Variants in FGD6 observed in about 807,000 individuals in gnomAD.
FGD6 encodes FYVE, RhoGEF and PH domain containing 6, also known as FYVE, RhoGEF and PH domain-containing protein 6.
In FGD6, 90 loss-of-function variants were observed where a neutral mutation model predicts 149.4. The observed-to-expected ratio is 0.60, with a 90% CI of 0.51 to 0.72. FGD6 has a LOEUF of 0.72. Among genes scored for constraint, FGD6 ranks in the 30% least tolerant of loss-of-function variants. FGD6 has a pLI of 0.00. For synonymous variants in FGD6, 527 were observed against 584.0 expected (o/e 0.90, Z 1.41); for missense variants, 1,437 against 1,684.8 (o/e 0.85, Z 2.57).
chr12:95,088,746 T>C (rs1315624487), intron 18 of FGD6, among the ~76,000 whole-genome samples: 1 of 152,178 alleles, frequency 6.6e-6, no homozygotes, highest in Non-Finnish European at 1.5e-5. Flanking sequence ...TATTCAGACA[T>C]AACAAGAAAC....
intron 2 of FGD6, among the ~76,000 whole-genome samples, chr12:95,179,627 A>G (rs906054623): frequency 3.9e-5 from 6 of 152,220 alleles, no homozygotes; most frequent in Admixed American, 6.5e-5. Flanking sequence ...TCTTTAAAAT[A>G]GAAGAGTACC....
At chr12:95,119,362 C>T (rs1879118633) in intron 8 of FGD6, among the ~76,000 whole-genome samples, 2 of 152,030 alleles carry the variant, frequency 1.3e-5, no homozygotes, top group Non-Finnish European at 2.9e-5. Flanking sequence ...AAACTATGAA[C>T]ATCTCTGAGA....
intron 8 of FGD6, among the ~76,000 whole-genome samples, chr12:95,129,967 C>A (rs1467453457): frequency 2.0e-5 from 3 of 152,100 alleles, no homozygotes; most frequent in East Asian, 3.9e-4. Flanking sequence ...AGCCATCATG[C>A]CCAGCCAAAA....
chr12:95,188,657 C>G (rs1881510522), intron 2 of FGD6, among the ~76,000 whole-genome samples: 1 of 152,178 alleles, frequency 6.6e-6, no homozygotes, highest in Non-Finnish European at 1.5e-5. Flanking sequence ...TTTTACTTTT[C>G]ACTTCATGTA....
chr12:95,110,335 T>C (rs981063629), intron 9 of FGD6, among the ~76,000 whole-genome samples: 1 of 148,546 alleles, frequency 6.7e-6, no homozygotes, highest in African/African-American at 2.5e-5. Flanking sequence ...TTTTTCCTTA[T>C]ATAGAGACCC....
chr12:95,146,398 G>C (rs1880016797), intron 5 of FGD6, among the ~76,000 whole-genome samples: 1 of 152,182 alleles, frequency 6.6e-6, no homozygotes, highest in Non-Finnish European at 1.5e-5. Context: ...TGAGGCAGAA[G>C]AATCTAAATT....
intron 2 of FGD6, among the ~76,000 whole-genome samples, chr12:95,201,668 T>C (rs2056663261): frequency 6.6e-6 from 1 of 152,160 alleles, no homozygotes; most frequent in Non-Finnish European, 1.5e-5. Flanking sequence ...TCCCCACTTC[T>C]GCCCTTCCCA....
At chr12:95,135,948 T>C (rs1383062495) in intron 7 of FGD6, among the ~76,000 whole-genome samples, 2 of 152,208 alleles carry the variant, frequency 1.3e-5, no homozygotes, top group Non-Finnish European at 1.5e-5. Flanking sequence ...ACTTTGTTTT[T>C]TGATAGCACA....
intron 14 of FGD6, among the ~76,000 whole-genome samples, 169 bp downstream of exon 14, chr12:95,104,838 T>A (rs1878556446): frequency 6.6e-6 from 1 of 151,566 alleles, no homozygotes; most frequent in African/African-American, 2.4e-5. Flanking sequence ...GCTTGGGCCA[T>A]GGAGGTGGAG....
intron 18 of FGD6, among the ~76,000 whole-genome samples, chr12:95,086,840 C>T (rs754830993): frequency 4.4e-5 from 6 of 135,442 alleles, no homozygotes; most frequent in African/African-American, 1.1e-4. Flanking sequence ...GCCACCACAC[C>T]GGCCTTTTTT....
intron 5 of FGD6, among the ~76,000 whole-genome samples, chr12:95,148,650 T>A (rs1473752563): frequency 8.9e-6 from 1 of 112,946 alleles, no homozygotes; most frequent in East Asian, 2.4e-4. Flanking sequence ...ATTATATATA[T>A]TATATATTAT....
intron 5 of FGD6, among the ~76,000 whole-genome samples, chr12:95,152,234 G>A (rs947378037): frequency 2.0e-5 from 3 of 152,062 alleles, no homozygotes; most frequent in Non-Finnish European, 4.4e-5. Context: ...CCTGAGGTAG[G>A]AGAATTGCCT....
chr12:95,110,569 T>C (rs923304927), intron 9 of FGD6, among the ~76,000 whole-genome samples: 1 of 151,530 alleles, frequency 6.6e-6, no homozygotes, highest in Non-Finnish European at 1.5e-5. Context: ...TTGGCAGGGC[T>C]GGTCTCAAAC....
At chr12:95,176,110 T>C (rs1224468415) in intron 2 of FGD6, among the ~76,000 whole-genome samples, 1 of 152,174 alleles carries the variant, frequency 6.6e-6, no homozygotes, top group South Asian at 2.1e-4. Flanking sequence ...TTTTTATTTT[T>C]TTGAAAAAAT....
chr12:95,193,440 C>T (rs1881647221), intron 2 of FGD6, among the ~76,000 whole-genome samples: 1 of 151,706 alleles, frequency 6.6e-6, no homozygotes, highest in Non-Finnish European at 1.5e-5. Context: ...TCACTGCAAC[C>T]TCTGCCTCCT....
Position 95,076,930 on chromosome 12 carries a change from A to G in FGD6, c.*4590T>C, listed in dbSNP as rs1199415087. 1 of 152,106 alleles carries G rather than the reference A, an allele frequency of 6.6e-6. No homozygotes were observed. Among genetic ancestry groups the G allele is most frequent in the Non-Finnish European group, 1.5e-5 (1 of 68,030 alleles). 9.4% of individuals were successfully genotyped at this position (152,106 alleles called of 1,614,324 possible). A position where few individuals can be genotyped will look rare whatever the true frequency, so the allele number is the denominator to read the frequency against. On this transcript the variant is annotated 3_prime_UTR_variant, in exon 21 of 21. Transcript: ENST00000343958. Reference sequence around the variant, plus strand: ...AAACGATATTTCAAGATTGGTTCTTACATGCTATGACCAACTCATATGAAA... The same window carrying G: ...AAACGATATTTCAAGATTGGTTCTTGCATGCTATGACCAACTCATATGAAA...
chr12:95,138,754 G>A (rs1400765144), intron 6 of FGD6, among the ~76,000 whole-genome samples: 7 of 152,092 alleles, frequency 4.6e-5, no homozygotes, highest in African/African-American at 1.7e-4. Flanking sequence ...CTGGCTGGCT[G>A]CTCCTTTCCT....
In FGD6 at chr12:95,210,665, C is replaced by G. The variant is rs1269419954; in HGVS notation, c.619G>C (p.Glu207Gln). The change falls in exon 2 of 21, where the codon GAA becomes CAA. Residue 207 changes from glutamate (E) to glutamine (Q), a missense_variant. Transcript: ENST00000343958. The part of the protein sequence containing the change: ...AQKHRPTDSP[E>Q]MNGGCNSNGQ... ...TTTGAATTACAGCCACCATTCATTTCTGGGCTGTCTGTGGGCCTGTGCTTC... is the reference window on the plus strand; with the variant it reads ...TTTGAATTACAGCCACCATTCATTTGTGGGCTGTCTGTGGGCCTGTGCTTC... 3.1e-6 allele frequency: 5 copies of G among 1,614,178 alleles called. No individual in the cohort carries two copies. The highest frequency in any genetic ancestry group is 4.2e-6 in the Non-Finnish European group (5 of 1,180,038).
chr12:95,174,730 C>A (rs142754831), intron 2 of FGD6, among the ~76,000 whole-genome samples: 3 of 151,966 alleles, frequency 2.0e-5, no homozygotes, highest in Admixed American at 2.0e-4. Flanking sequence ...AGATCGAGAC[C>A]ATCCTGGCTA....
Sources: gnomAD v4.1 joint callset for allele counts (sites outside exome capture counted in the v4.1 genomes callset) on GRCh38, gnomAD v4.1.1 for gene constraint, MANE v1.5 for transcripts, NCBI Gene and HGNC (gene_info 2026-07-23, HGNC 2026-07-21) for gene names.